PCDHGB2: variants seen among roughly 807,000 people sequenced by gnomAD.
PCDHGB2 encodes the protein protocadherin gamma-B2.
In PCDHGB2, 55 loss-of-function variants were observed where a neutral mutation model predicts 59.3. The observed-to-expected ratio is 0.93, with a 90% CI of 0.75 to 1.16. The LOEUF (loss-of-function observed/expected upper bound fraction) is 1.16. Among genes scored for constraint, PCDHGB2 ranks in the 50% most tolerant of loss-of-function variants. PCDHGB2 has a pLI of 0.00. For synonymous variants in PCDHGB2, 516 were observed against 512.0 expected (o/e 1.01, Z -0.11); for missense variants, 1,228 against 1,198.5 (o/e 1.02, Z -0.36).
chr5:141,494,251 G>C (rs961451413), intron 1 of PCDHGB2, among the ~76,000 whole-genome samples: 2 of 152,214 alleles, frequency 1.3e-5, no homozygotes, highest in African/African-American at 4.8e-5. Context: ...TTAGCTGTGG[G>C]AAGAGATTCT....
intron 1 of PCDHGB2, chr5:141,478,813 A>G (rs2099478658): frequency 4.8e-6 from 7 of 1,453,346 alleles, no homozygotes; most frequent in Non-Finnish European, 6.3e-6. Context: ...TGCTATCACA[A>G]CTAACCAATC....
chr5:141,478,249 A>T, intron 1 of PCDHGB2: 1 of 1,614,110 alleles, frequency 6.2e-7, no homozygotes, highest in African/African-American at 1.3e-5. Context: ...CAGTGTTCGG[A>T]GTAATCATAT....
At position 141,372,874 on chromosome 5, in the gene PCDHGB2, A is replaced by T; in HGVS notation, c.2421+10318A>T. The T allele has an allele frequency of 4.6e-6, 6 of 1,314,500 alleles. No individual in the cohort carries two copies. The East Asian group carries it at 1.2e-4, about 27-fold the overall frequency. 81.4% of individuals were successfully genotyped at this position (1,314,500 alleles called of 1,614,324 possible). A position where few individuals can be genotyped will look rare whatever the true frequency, so the allele number is the denominator to read the frequency against. On this transcript the variant is annotated intron_variant, in intron 1 of 3. Transcript: ENST00000522605. ...GGTTTCAATTCATTGATTTAGAGAT[A>T]AAAAGAATACAGATTAAATATTCCC... is the stretch of plus-strand genomic sequence containing the variant.
At chr5:141,393,527 T>A in intron 1 of PCDHGB2, 10 of 1,613,990 alleles carry the variant, frequency 6.2e-6, no homozygotes, top group Non-Finnish European at 6.8e-6. Context: ...CAAATGACAA[T>A]GCCCCGGTTT....
Position 141,405,333 on chromosome 5 carries a change from C to T in PCDHGB2, c.2421+42777C>T, listed in dbSNP as rs1253133454. 29 of 1,614,086 alleles carry T rather than the reference C, an allele frequency of 1.8e-5. No homozygotes were observed. Among genetic ancestry groups the T allele is most frequent in the Non-Finnish European group, 2.5e-5 (29 of 1,180,034 alleles). ...GAGAAAAATGAGCCTTTGTGCGTCT[C>T]TGTTGATTCCAAGTTTCCTATAGAA... On this transcript the variant is annotated intron_variant, in intron 1 of 3. Coordinates refer to ENST00000522605, the MANE Select transcript of PCDHGB2 (RefSeq NM_018923.3).
At chr5:141,366,544 G>T (rs368873957) in intron 1 of PCDHGB2, 5 of 1,614,112 alleles carry the variant, frequency 3.1e-6, no homozygotes, top group Non-Finnish European at 4.2e-6. Context: ...TGCCCGCCTC[G>T]CACTTTGTGG....
chr5:141,473,382 C>T (rs780229708), intron 1 of PCDHGB2, among the ~76,000 whole-genome samples: 3 of 152,190 alleles, frequency 2.0e-5, no homozygotes, highest in Non-Finnish European at 4.4e-5. Context: ...TGGTCCCTGC[C>T]CTCCTGGAGC....
At position 141,362,078 on chromosome 5, in the gene PCDHGB2, A is replaced by G; in HGVS notation, c.1943A>G (p.Asp648Gly). ...ARQRLLVAVR[D>G]GGQPPLSATA... ...CAGCGCCTGCTGGTCGCTGTGCGTG[A>G]TGGAGGACAGCCGCCACTCTCCGCT... The change falls in exon 1 of 4, where the codon GAT (aspartate) becomes GGT (glycine). Residue 648 changes from aspartate (D) to glycine (G), a missense_variant. Around this residue, in one of 3 missense-constraint regions of PCDHGB2, gnomAD observed 433 missense variants for 441.8 expected, o/e 0.98. Transcript: ENST00000522605. 1.9e-6 allele frequency: 3 copies of G among 1,612,904 alleles called. No homozygotes were observed. The highest frequency in any genetic ancestry group is 2.5e-6 in the Non-Finnish European group (3 of 1,179,790).
At chr5:141,388,062 G>A (rs1237358865) in intron 1 of PCDHGB2, 1 of 1,380,416 alleles carries the variant, frequency 7.2e-7, no homozygotes, top group African/African-American at 1.5e-5. Flanking sequence ...CAGCGTCCAG[G>A]AGTTACCGAC....
At chr5:141,498,958 A>T (rs1200201746) in intron 2 of PCDHGB2, among the ~76,000 whole-genome samples, 2 of 123,248 alleles carry the variant, frequency 1.6e-5, no homozygotes, top group Admixed American at 1.8e-4. Flanking sequence ...AAAGAGAGAG[A>T]GGGAGGGAGG....
Position 141,431,420 on chromosome 5 carries a change from G to C in PCDHGB2, c.2422-63387G>C, listed in dbSNP as rs780266425. The C allele has an allele frequency of 8.1e-6, 13 of 1,613,592 alleles. No individual in the cohort carries two copies. Among genetic ancestry groups the C allele is most frequent in the East Asian group, 2.2e-5 (1 of 44,902 alleles). ...TACGGCCTCCGACGGGGGCGACCCG[G>C]TGCGCACAGGCACCGCGCGCATCCG... is the stretch of plus-strand genomic sequence containing the variant. On this transcript the variant is annotated intron_variant, in intron 1 of 3. Transcript: ENST00000522605. This position sits in a 1 kb window ranked among gnomAD's most constrained non-coding sequence, Gnocchi z 4.8.
intron 1 of PCDHGB2, chr5:141,364,724 C>T (rs772314048): frequency 9.3e-6 from 15 of 1,613,892 alleles, no homozygotes; most frequent in South Asian, 7.7e-5. Flanking sequence ...TAACTTCCCG[C>T]GTTTCCGGGA....
rs752984415 is a variant in PCDHGB2, at chr5:141,360,537, A to G, written c.402A>G (p.Lys134=). 29 of 1,614,000 alleles carry G rather than the reference A, an allele frequency of 1.8e-5. 1 individual carries two copies. The South Asian group carries it at 2.9e-4, about 16-fold the overall frequency. The change falls in exon 1 of 4, where the codon AAA becomes AAG. Residue 134 remains lysine, a synonymous_variant. Transcript: ENST00000522605. ...TAAATGATAATACCCCGCTATTCAA[A>G]CAGACTAAGATTAATTTAAAAATTG... ...QDINDNTPLF[K]QTKINLKIGE... is the part of the protein sequence containing the mutation.
Position 141,427,133 on chromosome 5 carries a change from A to AGAT in PCDHGB2, c.2421+64581_2421+64583dup, listed in dbSNP as rs370316028. 2.9e-4 allele frequency: 134 copies of AGAT among 457,190 alleles called. 1 individual carries two copies. The highest frequency in any genetic ancestry group is 2.4e-3 in the African/African-American group (123 of 50,216). The allele number at this position is 457,190 out of a possible 1,614,324, so 28.3% of individuals were successfully genotyped here. On this transcript the variant is annotated intron_variant, in intron 1 of 3. Transcript: ENST00000522605. ...TCACCTACTCTTTCAAATCCCTACG[A>AGAT]GATGATATTGGAAATATGTTTGTGC...
intron 1 of PCDHGB2, chr5:141,395,503 G>A (rs1428846111): frequency 2.2e-6 from 1 of 457,378 alleles, no homozygotes; most frequent in Non-Finnish European, 3.8e-6. Flanking sequence ...ATTCACTTAA[G>A]AAGTAGCTAC....
Position 141,511,348 on chromosome 5 carries a change from C to T in PCDHGB2, c.*175C>T. Reference sequence around the variant, plus strand: ...TGCCCAGTCAGCACCTACCCCTTCCCCCCCAGGGGGTTGAATATGCAAAAG... The same window carrying T: ...TGCCCAGTCAGCACCTACCCCTTCCTCCCCAGGGGGTTGAATATGCAAAAG... On this transcript the variant is annotated 3_prime_UTR_variant, in exon 4 of 4. Transcript: ENST00000522605. The T allele has an allele frequency of 7.1e-7, 1 of 1,404,104 alleles. No homozygotes were observed. The highest frequency in any genetic ancestry group is 9.5e-7 in the Non-Finnish European group (1 of 1,056,554). 87.0% of individuals were successfully genotyped at this position (1,404,104 alleles called of 1,614,324 possible). A position where few individuals can be genotyped will look rare whatever the true frequency, so the allele number is the denominator to read the frequency against.
At chr5:141,382,207 A>G (rs1042631528) in intron 1 of PCDHGB2, among the ~76,000 whole-genome samples, 1 of 152,206 alleles carries the variant, frequency 6.6e-6, no homozygotes, top group Admixed American at 6.5e-5. Context: ...ATTTATTAAA[A>G]TAGGTCTATA....
intron 3 of PCDHGB2, chr5:141,507,335 T>A (rs1228652205): frequency 6.6e-6 from 1 of 151,804 alleles, no homozygotes; most frequent in Non-Finnish European, 1.5e-5. Context: ...TGCTCATTGT[T>A]TACCTGAAAT....
At chr5:141,384,070 C>A (rs762136393) in intron 1 of PCDHGB2, 2 of 1,603,864 alleles carry the variant, frequency 1.2e-6, no homozygotes, top group Admixed American at 3.4e-5. Context: ...AGAAAACCTA[C>A]CTTTTAAATT....
Sources: gnomAD v4.1 joint callset for allele counts (sites outside exome capture counted in the v4.1 genomes callset) on GRCh38, gnomAD v4.1.1 for gene constraint, gnomAD v4.1.1 regional missense constraint, Gnocchi (gnomAD v3.1) non-coding constraint, MANE v1.5 for transcripts, NCBI Gene and HGNC (gene_info 2026-07-23, HGNC 2026-07-21) for gene names.